The following PTPRD variants were observed in gnomAD, a reference collection of about 807,000 sequenced individuals.
The protein encoded by PTPRD is receptor-type tyrosine-protein phosphatase delta.
PTPRD carries 34 observed loss-of-function variants against 214.5 expected under a neutral mutation model. That is an observed-to-expected ratio of 0.16 (90% CI 0.12 to 0.21). The LOEUF is 0.21. PTPRD is among the 10% of genes least tolerant of loss of function. The pLI is 1.00. For missense variants in PTPRD, 2,545 were observed against 2,398.7 expected (o/e 1.06, Z -1.27); for synonymous variants, 1,128 against 845.7 (o/e 1.33, Z -5.79).
intron 5 of PTPRD, among the ~76,000 whole-genome samples, chr9:9,777,137 TA>T (rs935895578): frequency 1.6e-4 from 25 of 152,098 alleles, no homozygotes; most frequent in African/African-American, 4.3e-4. Flanking sequence ...CACTGGAAAG[TA>T]AAAAATTAGA....
intron 2 of PTPRD, among the ~76,000 whole-genome samples, chr9:10,529,117 A>G (rs1486475719): frequency 6.6e-6 from 1 of 152,224 alleles, no homozygotes; most frequent in East Asian, 1.9e-4. Context: ...TCCTTGATTT[A>G]TTTTAGCTGA....
chr9:9,479,660 A>G (rs1441739859), intron 8 of PTPRD, among the ~76,000 whole-genome samples: 1 of 152,142 alleles, frequency 6.6e-6, no homozygotes, highest in African/African-American at 2.4e-5. Context: ...TATTTGATTG[A>G]TAATAAATGA....
At chr9:9,990,636 G>A (rs1404856404) in intron 4 of PTPRD, among the ~76,000 whole-genome samples, 2 of 152,358 alleles carry the variant, frequency 1.3e-5, no homozygotes, top group South Asian at 2.1e-4. Flanking sequence ...AAAATAGAAA[G>A]TAGTTTAGCC....
At chr9:8,940,492 C>G (rs1368448540) in intron 11 of PTPRD, among the ~76,000 whole-genome samples, 2 of 123,620 alleles carry the variant, frequency 1.6e-5, no homozygotes, top group African/African-American at 5.9e-5. Flanking sequence ...AGGGTTTCAC[C>G]ATGTTGGCCA....
Position 10,438,418 on chromosome 9 carries a change from A to C in PTPRD, c.-599-97401T>G, listed in dbSNP as rs368855195. On this transcript the variant is annotated intron_variant, in intron 2 of 45. Coordinates refer to ENST00000381196, the MANE Select transcript of PTPRD (RefSeq NM_002839.4). ...CACAACATAATCCCATTGTAAATAG[A>C]GGAGCATCTATACGGTGATAAACAA... Among the ~76,000 whole-genome samples the C allele has an allele frequency of 1.9e-4, 29 of 151,778 alleles. No individual in the cohort carries two copies. The East Asian group carries it at 2.5e-3, about 13-fold the overall frequency.
chr9:9,686,856 C>T (rs938491952), intron 7 of PTPRD, among the ~76,000 whole-genome samples: 4 of 151,658 alleles, frequency 2.6e-5, no homozygotes, highest in African/African-American at 9.7e-5. Flanking sequence ...AAAATTTGAA[C>T]TTTGAGAGCA....
At chr9:10,052,989 T>C (rs2097561521) in intron 3 of PTPRD, among the ~76,000 whole-genome samples, 1 of 152,140 alleles carries the variant, frequency 6.6e-6, no homozygotes, top group Non-Finnish European at 1.5e-5. Flanking sequence ...TAAATAACTA[T>C]CTAAGTGGCA....
At chr9:10,056,659 A>G (rs962914327) in intron 3 of PTPRD, among the ~76,000 whole-genome samples, 4 of 152,102 alleles carry the variant, frequency 2.6e-5, no homozygotes, top group African/African-American at 7.2e-5. Context: ...CATGTTCCCA[A>G]GAGTAACTGT....
At chr9:10,570,092 T>C (rs1045357668) in intron 2 of PTPRD, among the ~76,000 whole-genome samples, 6 of 152,092 alleles carry the variant, frequency 3.9e-5, no homozygotes, top group Admixed American at 6.6e-5. Flanking sequence ...TTGGATTTTC[T>C]AAAAAATAAA....
chr9:8,445,332 T>C (rs1051616150), intron 34 of PTPRD, among the ~76,000 whole-genome samples: 20 of 152,200 alleles, frequency 1.3e-4, no homozygotes, highest in African/African-American at 4.6e-4. Context: ...AACTTGGCTA[T>C]ACACTGCCAT....
At chr9:9,553,250 T>C (rs1451617158) in intron 8 of PTPRD, among the ~76,000 whole-genome samples, 2 of 152,080 alleles carry the variant, frequency 1.3e-5, no homozygotes, top group Non-Finnish European at 2.9e-5. Flanking sequence ...GAAATTGTTA[T>C]ACGGATTTAT....
At chr9:10,573,189 G>A (rs2068043872) in intron 2 of PTPRD, among the ~76,000 whole-genome samples, 1 of 152,104 alleles carries the variant, frequency 6.6e-6, no homozygotes, top group South Asian at 2.1e-4. Context: ...TTAGAAATAT[G>A]TGCTAATTTC....
At chr9:8,841,991 A>G (rs568123276) in intron 11 of PTPRD, among the ~76,000 whole-genome samples, 132 of 140,500 alleles carry the variant, frequency 9.4e-4, no homozygotes, top group Middle Eastern at 3.6e-3. Context: ...AGCCTGGGCA[A>G]TAGAGCGAGA....
At chr9:9,070,324 C>T (rs931915343) in intron 10 of PTPRD, among the ~76,000 whole-genome samples, 2 of 152,070 alleles carry the variant, frequency 1.3e-5, no homozygotes, top group African/African-American at 4.8e-5. Flanking sequence ...AAGAAATATG[C>T]TATTTTCCTT....
chr9:8,415,367 A>G (rs898048304), intron 35 of PTPRD, among the ~76,000 whole-genome samples: 4 of 152,172 alleles, frequency 2.6e-5, no homozygotes, highest in Non-Finnish European at 5.9e-5. Context: ...TATGTATTCA[A>G]TTGTGATTGG....
chr9:10,413,305 T>C (rs1351201101), intron 2 of PTPRD, among the ~76,000 whole-genome samples: 1 of 151,896 alleles, frequency 6.6e-6, no homozygotes, highest in African/African-American at 2.4e-5. Context: ...AGTATTCCTG[T>C]ACACCAACAA....
intron 9 of PTPRD, among the ~76,000 whole-genome samples, chr9:9,314,518 T>C (rs1961393881): frequency 1.3e-5 from 2 of 152,126 alleles, no homozygotes; most frequent in Non-Finnish European, 2.9e-5. Flanking sequence ...TGGCCTGGCT[T>C]GACAAAATGT....
chr9:9,679,238 C>G (rs894795242), intron 7 of PTPRD, among the ~76,000 whole-genome samples: 1 of 151,462 alleles, frequency 6.6e-6, no homozygotes, highest in African/African-American at 2.4e-5. Context: ...CTCTCTTTCT[C>G]TCTCCCTCCT....
At chr9:9,396,680 C>T (rs893357056) in intron 9 of PTPRD, among the ~76,000 whole-genome samples, 1 of 151,962 alleles carries the variant, frequency 6.6e-6, no homozygotes, top group Non-Finnish European at 1.5e-5. Context: ...TATACAAAGA[C>T]ACTCTTTCAT....
Sources: gnomAD v4.1 joint callset for allele counts (sites outside exome capture counted in the v4.1 genomes callset) on GRCh38, gnomAD v4.1.1 for gene constraint, MANE v1.5 for transcripts, NCBI Gene and HGNC (gene_info 2026-07-23, HGNC 2026-07-21) for gene names.